Variants in HS6ST3 observed in about 807,000 individuals in gnomAD.
The protein encoded by HS6ST3 is heparan-sulfate 6-O-sulfotransferase 3.
Under a neutral mutation model 36.7 loss-of-function variants are expected in HS6ST3, and 12 were observed. That is an observed-to-expected ratio of 0.33 (90% CI 0.21 to 0.53). The LOEUF (loss-of-function observed/expected upper bound fraction) is 0.53. Ranked by LOEUF, HS6ST3 falls within the 20% of genes least tolerant of loss-of-function variation. The probability of loss-of-function intolerance (pLI) is 0.95; values close to 1 mark genes in which losing one functional copy is unlikely to be tolerated. For synonymous variants in HS6ST3, 240 were observed against 257.5 expected (o/e 0.93, Z 0.65); for missense variants, 584 against 640.9 (o/e 0.91, Z 0.96).
At chr13:96,175,532 T>G (rs2054208473) in intron 1 of HS6ST3, among the ~76,000 whole-genome samples, 1 of 152,078 alleles carries the variant, frequency 6.6e-6, no homozygotes, top group Admixed American at 6.6e-5. Flanking sequence ...GCCTTTTTTT[T>G]GTTCTTTTTT....
chr13:96,751,305 A>G (rs1364037805), intron 1 of HS6ST3, among the ~76,000 whole-genome samples: 3 of 152,140 alleles, frequency 2.0e-5, no homozygotes, highest in Non-Finnish European at 2.9e-5. Context: ...TTTTGTCATT[A>G]TAGGATAAAG....
At chr13:96,300,875 A>G (rs1377427070) in intron 1 of HS6ST3, among the ~76,000 whole-genome samples, 1 of 152,208 alleles carries the variant, frequency 6.6e-6, no homozygotes, top group Non-Finnish European at 1.5e-5. Flanking sequence ...TAAGAATGTT[A>G]ATTGGACAAC....
intron 1 of HS6ST3, among the ~76,000 whole-genome samples, chr13:96,173,422 T>C (rs1250365511): frequency 6.6e-6 from 1 of 152,164 alleles, no homozygotes; most frequent in Non-Finnish European, 1.5e-5. Context: ...TGAATTGATA[T>C]GTCATTGTGT....
chr13:96,305,871 C>T (rs7336275), intron 1 of HS6ST3, among the ~76,000 whole-genome samples: 7,752 of 139,382 alleles, frequency 0.056, 262 homozygotes, highest in East Asian at 0.12. Context: ...TTTTTGGAGA[C>T]GGAGTTCATG....
intron 1 of HS6ST3, among the ~76,000 whole-genome samples, chr13:96,332,883 A>C (rs1030263544): frequency 6.6e-6 from 1 of 152,196 alleles, no homozygotes; most frequent in African/African-American, 2.4e-5. Context: ...TAGGAGGTGG[A>C]GTCTTTTGGA....
intron 1 of HS6ST3, among the ~76,000 whole-genome samples, chr13:96,605,776 A>G (rs1566409460): frequency 6.6e-6 from 1 of 152,150 alleles, no homozygotes; most frequent in Non-Finnish European, 1.5e-5. Flanking sequence ...ACAGCAAAGG[A>G]AACTATTAAC....
intron 1 of HS6ST3, among the ~76,000 whole-genome samples, chr13:96,132,756 C>T (rs2053982501): frequency 6.6e-6 from 1 of 152,110 alleles, no homozygotes; most frequent in Non-Finnish European, 1.5e-5. Context: ...ACAGGTGTCC[C>T]TTTTTCTCCA....
intron 1 of HS6ST3, among the ~76,000 whole-genome samples, chr13:96,787,013 G>A (rs1877669696): frequency 6.6e-6 from 1 of 152,024 alleles, no homozygotes; most frequent in Admixed American, 6.6e-5. Context: ...TTTTCACATA[G>A]CATATTTCCC....
At chr13:96,771,260 G>A (rs1433678851) in intron 1 of HS6ST3, among the ~76,000 whole-genome samples, 7 of 140,152 alleles carry the variant, frequency 5.0e-5, no homozygotes, top group African/African-American at 8.1e-5. Flanking sequence ...GTCACACACC[G>A]GGGCCTGTTG....
At chr13:96,110,025 G>A (rs2139299552) in intron 1 of HS6ST3, among the ~76,000 whole-genome samples, 1 of 152,320 alleles carries the variant, frequency 6.6e-6, no homozygotes, top group Admixed American at 6.5e-5. Flanking sequence ...TAGCCAGAGT[G>A]GGAGAGGCTT....
chr13:96,153,558 C>T lies in HS6ST3; in HGVS notation c.707+61989C>T, dbSNP rs552894367. ...TCTGAAAATGGTTAGAAGATGTGGC[C>T]GTTGGATCAATTTCCAGGACACATA... On this transcript the variant is annotated intron_variant, in intron 1 of 1. Transcript: ENST00000376705. 5.9e-5 allele frequency among the ~76,000 whole-genome samples: 9 copies of T among 152,108 alleles called. No individual in the cohort carries two copies. In the South Asian group the frequency reaches 8.3e-4, roughly 14 times the overall value.
chr13:96,300,332 C>T (rs1488541218), intron 1 of HS6ST3, among the ~76,000 whole-genome samples: 4 of 152,024 alleles, frequency 2.6e-5, no homozygotes, highest in Admixed American at 2.0e-4. Flanking sequence ...GCTGGGATTA[C>T]AAGAGTGAGC....
intron 1 of HS6ST3, among the ~76,000 whole-genome samples, chr13:96,807,166 G>T (rs999559844): frequency 1.3e-5 from 2 of 152,170 alleles, no homozygotes; most frequent in Non-Finnish European, 2.9e-5. Flanking sequence ...CCATGCCTGT[G>T]CAAATGCCCA....
At chr13:96,353,732 C>T (rs370071931) in intron 1 of HS6ST3, among the ~76,000 whole-genome samples, 22 of 151,900 alleles carry the variant, frequency 1.4e-4, no homozygotes, top group East Asian at 3.9e-4. Flanking sequence ...GATTTCCTTA[C>T]GTATAAAGAG....
At chr13:96,143,841 G>T (rs1231351117) in intron 1 of HS6ST3, among the ~76,000 whole-genome samples, 2 of 152,088 alleles carry the variant, frequency 1.3e-5, no homozygotes, top group Non-Finnish European at 2.9e-5. Context: ...AATGGGGTTG[G>T]ATGATAGAGG....
At chr13:96,563,343 C>T (rs1566397787) in intron 1 of HS6ST3, among the ~76,000 whole-genome samples, 3 of 152,054 alleles carry the variant, frequency 2.0e-5, no homozygotes, top group Non-Finnish European at 2.9e-5. Flanking sequence ...GTATCATAGG[C>T]GGTTACAGAG....
intron 1 of HS6ST3, among the ~76,000 whole-genome samples, chr13:96,207,898 T>C (rs1183060418): frequency 6.6e-6 from 1 of 152,046 alleles, no homozygotes; most frequent in African/African-American, 2.4e-5. Context: ...AATACCTAGG[T>C]GATGGGATGA....
At chr13:96,353,674 A>G (rs2055196004) in intron 1 of HS6ST3, among the ~76,000 whole-genome samples, 1 of 152,200 alleles carries the variant, frequency 6.6e-6, no homozygotes, top group South Asian at 2.1e-4. Flanking sequence ...GATAAATAAC[A>G]AACTAGGGAA....
chr13:96,218,193 A>G (rs1035645466), intron 1 of HS6ST3, among the ~76,000 whole-genome samples: 1 of 152,092 alleles, frequency 6.6e-6, no homozygotes, highest in Non-Finnish European at 1.5e-5. Flanking sequence ...CCCCAGAGAG[A>G]AGTGGGTGGC....
Sources: allele counts gnomAD v4.1 joint callset (sites outside exome capture counted in the v4.1 genomes callset), GRCh38; gene constraint gnomAD v4.1.1; transcripts MANE v1.5; gene names NCBI Gene and HGNC (gene_info 2026-07-23, HGNC 2026-07-21).